CABP1: variants seen among roughly 807,000 people sequenced by gnomAD.
The protein encoded by CABP1 is calcium-binding protein 1.
In CABP1, 17 loss-of-function variants were observed where a neutral mutation model predicts 34.3. That is an observed-to-expected ratio of 0.50 (90% CI 0.34 to 0.74). CABP1 has a LOEUF of 0.74. Among genes scored for constraint, CABP1 ranks in the 30% least tolerant of loss-of-function variants. The pLI is 0.01. For missense variants in CABP1, 373 were observed against 511.1 expected, an observed-to-expected ratio of 0.73 and a Z score of 2.61; for synonymous variants, 198 against 229.2, an observed-to-expected ratio of 0.86 and a Z score of 1.23.
chr12:120,672,285 G>C (rs1327576087), downstream of CABP1, among the ~76,000 whole-genome samples: 2 of 151,984 alleles, frequency 1.3e-5, no homozygotes, highest in East Asian at 3.9e-4. Context: ...CTCCAAACTG[G>C]GAAAAACAAT....
the CABP1 span, among the ~76,000 whole-genome samples, chr12:120,678,838 GA>G: frequency 7.5e-5 from 6 of 80,230 alleles, no homozygotes; most frequent in Non-Finnish European, 8.5e-5. Flanking sequence ...TTGGGATGCT[GA>G]GGGGGGGGCA....
chr12:120,676,739 T>A, the CABP1 span, among the ~76,000 whole-genome samples: 13 of 152,166 alleles, frequency 8.5e-5, no homozygotes, highest in Non-Finnish European at 4.4e-5. Flanking sequence ...CTTTATTTAT[T>A]TCTGAGTATG....
intron 1 of CABP1, among the ~76,000 whole-genome samples, chr12:120,642,995 G>GGAAAAAAA (rs530595621): frequency 8.6e-5 from 6 of 69,502 alleles, no homozygotes; most frequent in East Asian, 4.5e-4. Context: ...CTCAGCTCCT[G>GGAAAAAAA]AAAAAAAAAA....
chr12:120,650,462 CA>C, intron 1 of CABP1: 1 of 1,457,150 alleles, frequency 6.9e-7, no homozygotes, highest in Admixed American at 2.7e-5. Context: ...AGAGCAGGAG[CA>C]GGCAGACGAG....
In CABP1 at chr12:120,641,591, C is replaced by T; in HGVS notation, c.654+252C>T. The T allele has an allele frequency of 2.7e-6, 1 of 367,176 alleles. No individual in the cohort carries two copies. Among genetic ancestry groups the T allele is most frequent in the Non-Finnish European group, 4.8e-6 (1 of 207,416 alleles). The allele number at this position is 367,176 out of a possible 1,614,324, so 22.7% of individuals were successfully genotyped here. The stretch of plus-strand genomic sequence containing the variant: ...TCCCCGCTAGCCTCCCTCATACCCG[C>T]CAGAACCCGCCAGTCCTGGAAGAGA... On this transcript the variant is annotated intron_variant, in intron 1 of 5. Transcript: ENST00000316803. This position sits in a 1 kb window ranked among gnomAD's most constrained non-coding sequence, Gnocchi z 6.7.
intron 1 of CABP1, among the ~76,000 whole-genome samples, chr12:120,647,560 C>CTTTTTTTT (rs10557275): frequency 5.3e-5 from 4 of 75,660 alleles, no homozygotes; most frequent in African/African-American, 1.3e-4. Context: ...CAGTCCAAGC[C>CTTTTTTTT]TTTTTTTTTT....
intron 1 of CABP1, chr12:120,650,347 G>GC: frequency 1.5e-6 from 1 of 667,966 alleles, no homozygotes; most frequent in South Asian, 2.2e-5. Context: ...CTTTCCCTGT[G>GC]CCCTGCACTC....
chr12:120,672,711 GAAAA>G, the CABP1 span, among the ~76,000 whole-genome samples: 1 of 139,508 alleles, frequency 7.2e-6, no homozygotes, highest in African/African-American at 2.6e-5. Context: ...GCACTTGGGT[GAAAA>G]AAAAAAAAAA....
the CABP1 span, among the ~76,000 whole-genome samples, chr12:120,674,947 C>G: frequency 1.3e-5 from 2 of 151,560 alleles, no homozygotes; most frequent in Non-Finnish European, 2.9e-5. Context: ...CATCTGGTTT[C>G]TGACCCCAGC....
downstream of CABP1, among the ~76,000 whole-genome samples, chr12:120,671,437 G>A (rs1277711597): frequency 2.0e-5 from 3 of 152,238 alleles, no homozygotes; most frequent in African/African-American, 4.8e-5. Flanking sequence ...CAAAGGCCCC[G>A]AGGTAAGGGA....
In CABP1 at chr12:120,659,918, G is replaced by A. The variant is rs1401166543; in HGVS notation, c.685+10G>A. ...CCAGAGGAAATTGAAGGTAAAACTT[G>A]GCCCCTTGGGGGAAAGGACTGCCTA... On this transcript the variant is annotated intron_variant, in intron 2 of 5. Transcript: ENST00000316803. 23 of 1,613,548 alleles carry A rather than the reference G, an allele frequency of 1.4e-5. No individual in the cohort carries two copies. The highest frequency in any genetic ancestry group is 1.9e-5 in the Non-Finnish European group (23 of 1,179,646).
chr12:120,668,438 T>C (rs1001732801), downstream of CABP1, among the ~76,000 whole-genome samples: 1 of 152,150 alleles, frequency 6.6e-6, no homozygotes, highest in Admixed American at 6.5e-5. Context: ...ATCATGCCAC[T>C]GGGTGACGGA....
In CABP1 at chr12:120,661,661, T is replaced by C. The variant is rs993144219; in HGVS notation, c.1087+443T>C. The C allele has an allele frequency of 2.4e-5, 4 of 163,330 alleles. No individual in the cohort carries two copies. In the South Asian group the frequency reaches 4.8e-4, roughly 20 times the overall value. 10.1% of individuals were successfully genotyped at this position (163,330 alleles called of 1,614,324 possible). On this transcript the variant is annotated intron_variant, in intron 5 of 5. Coordinates refer to ENST00000316803, the MANE Select transcript of CABP1 (RefSeq NM_001033677.2). This position sits in a 1 kb window ranked among gnomAD's most constrained non-coding sequence, Gnocchi z 5.1. ...TCCATCCATCCATCCGTCCATCCAT[T>C]CGTCTACATATCTATCCATCCATCC...
downstream of CABP1, among the ~76,000 whole-genome samples, chr12:120,669,814 A>C (rs921439567): frequency 6.6e-6 from 1 of 151,928 alleles, no homozygotes; most frequent in East Asian, 1.9e-4. Context: ...GAATGTAGTC[A>C]GGCTACTGTT....
At chr12:120,647,975 T>A (rs1479180034) in intron 1 of CABP1, among the ~76,000 whole-genome samples, 2 of 152,120 alleles carry the variant, frequency 1.3e-5, no homozygotes, top group Admixed American at 1.3e-4. Context: ...CCAGTGCCCA[T>A]TGGAGACAGA....
At chr12:120,672,397 C>T in the CABP1 span, among the ~76,000 whole-genome samples, 1 of 152,162 alleles carries the variant, frequency 6.6e-6, no homozygotes, top group South Asian at 2.1e-4. Flanking sequence ...CTTTGGGAGG[C>T]CGAAGTGGGC....
chr12:120,672,000 C>T (rs539784098), downstream of CABP1, among the ~76,000 whole-genome samples: 3 of 152,000 alleles, frequency 2.0e-5, no homozygotes, highest in African/African-American at 7.2e-5. Context: ...CCCAGGAGTT[C>T]GAGTCTGCAG....
At chr12:120,666,590 G>C (rs1376645814) in intron 5 of CABP1, among the ~76,000 whole-genome samples, 1 of 152,118 alleles carries the variant, frequency 6.6e-6, no homozygotes, top group Non-Finnish European at 1.5e-5. Flanking sequence ...TAGCCTGAGA[G>C]ATATGGCTGG....
chr12:120,672,821 T>C, the CABP1 span, among the ~76,000 whole-genome samples: 1 of 150,058 alleles, frequency 6.7e-6, no homozygotes, highest in Non-Finnish European at 1.5e-5. Context: ...CTTGAGGTCA[T>C]GAGTTCAAGA....
Sources: allele counts gnomAD v4.1 joint callset (sites outside exome capture counted in the v4.1 genomes callset), GRCh38; gene constraint gnomAD v4.1.1; non-coding constraint Gnocchi (gnomAD v3.1); transcripts MANE v1.5; gene names NCBI Gene and HGNC (gene_info 2026-07-23, HGNC 2026-07-21).